The following CAMKMT variants were observed in gnomAD, a reference collection of about 807,000 sequenced individuals.
CAMKMT encodes the protein CaM KMT.
Under a neutral mutation model 48.0 loss-of-function variants are expected in CAMKMT, and 53 were observed. That is an observed-to-expected ratio of 1.10 (90% confidence interval 0.89 to 1.39). The LOEUF (loss-of-function observed/expected upper bound fraction) is 1.39. CAMKMT is among the 40% of genes most tolerant of loss of function. CAMKMT has a pLI of 0.00. For missense variants in CAMKMT, 428 were observed against 402.7 expected (o/e 1.06, Z -0.54); for synonymous variants, 165 against 152.3 (o/e 1.08, Z -0.61).
At chr2:44,542,335 A>T (rs943134596) in intron 3 of CAMKMT, among the ~76,000 whole-genome samples, 6 of 152,110 alleles carry the variant, frequency 3.9e-5, no homozygotes, top group African/African-American at 1.2e-4. Context: ...GCCCCCAAAA[A>T]TCAACTGGAA....
chr2:44,757,011 G>A (rs1573239519), intron 9 of CAMKMT, among the ~76,000 whole-genome samples: 1 of 152,204 alleles, frequency 6.6e-6, no homozygotes, highest in Non-Finnish European at 1.5e-5. Context: ...CTCTGAGCCT[G>A]CATTTCCTCA....
intron 3 of CAMKMT, among the ~76,000 whole-genome samples, chr2:44,407,724 G>C (rs1358488413): frequency 6.6e-6 from 1 of 152,222 alleles, no homozygotes; most frequent in African/African-American, 2.4e-5. Context: ...TAGATGGGCA[G>C]ACTGAAGGCA....
intron 3 of CAMKMT, among the ~76,000 whole-genome samples, chr2:44,451,336 G>C (rs915515169): frequency 6.6e-6 from 1 of 151,908 alleles, no homozygotes; most frequent in Admixed American, 6.6e-5. Context: ...ATACATTAAT[G>C]ATTAGAAAAA....
chr2:44,432,078 G>T (rs1013092460), intron 3 of CAMKMT, among the ~76,000 whole-genome samples: 2 of 152,144 alleles, frequency 1.3e-5, no homozygotes, highest in Admixed American at 6.5e-5. Context: ...TAACTTCTTG[G>T]CTGGTTTAGT....
intron 1 of CAMKMT, among the ~76,000 whole-genome samples, chr2:44,364,204 G>C (rs1016110557): frequency 2.0e-4 from 30 of 151,802 alleles, no homozygotes; most frequent in African/African-American, 5.3e-4. Flanking sequence ...TCTAAATTGC[G>C]GTCTAAATGA....
chr2:44,623,025 C>G (rs956956857), intron 3 of CAMKMT, among the ~76,000 whole-genome samples: 14 of 152,166 alleles, frequency 9.2e-5, no homozygotes, highest in Admixed American at 7.2e-4. Flanking sequence ...TTAACAAAAG[C>G]TGTTCTGACC....
chr2:44,403,437 G>A (rs186534678), intron 3 of CAMKMT, among the ~76,000 whole-genome samples: 1 of 152,166 alleles, frequency 6.6e-6, no homozygotes, highest in Non-Finnish European at 1.5e-5. Flanking sequence ...TAAGAGATGA[G>A]ATTTCAAGAT....
At chr2:44,660,337 G>A (rs1416688637) in intron 3 of CAMKMT, among the ~76,000 whole-genome samples, 1 of 152,156 alleles carries the variant, frequency 6.6e-6, no homozygotes, top group Non-Finnish European at 1.5e-5. Flanking sequence ...AAAATAGCTT[G>A]GACCTTATAG....
At chr2:44,503,780 C>T (rs1317917234) in intron 3 of CAMKMT, among the ~76,000 whole-genome samples, 1 of 152,158 alleles carries the variant, frequency 6.6e-6, no homozygotes, top group South Asian at 2.1e-4. Context: ...TTGGCTTAAA[C>T]AACAGAAATC....
intron 3 of CAMKMT, among the ~76,000 whole-genome samples, chr2:44,458,565 G>A (rs565680991): frequency 6.6e-6 from 1 of 152,310 alleles, no homozygotes; most frequent in Admixed American, 6.5e-5. Flanking sequence ...GGTTTGTGCT[G>A]TTCAGTCTTA....
chr2:44,387,958 TAA>T (rs1226111656), intron 2 of CAMKMT, among the ~76,000 whole-genome samples: 1 of 152,202 alleles, frequency 6.6e-6, no homozygotes, highest in Admixed American at 6.5e-5. Context: ...TCACAGCTCT[TAA>T]GAGTCTTTCC....
At chr2:44,489,068 T>C (rs1669355154) in intron 3 of CAMKMT, among the ~76,000 whole-genome samples, 1 of 151,972 alleles carries the variant, frequency 6.6e-6, no homozygotes, top group Non-Finnish European at 1.5e-5. Flanking sequence ...AGTCTAGCCA[T>C]GTTGTCCAGG....
intron 3 of CAMKMT, among the ~76,000 whole-genome samples, chr2:44,674,059 T>A (rs1388787612): frequency 6.6e-6 from 1 of 152,214 alleles, no homozygotes; most frequent in East Asian, 1.9e-4. Flanking sequence ...AGAAGTTTGC[T>A]TAATTTCCCC....
intron 3 of CAMKMT, among the ~76,000 whole-genome samples, chr2:44,532,920 C>G (rs2085090): frequency 0.096 from 14,600 of 151,570 alleles, 819 homozygotes; most frequent in Admixed American, 0.17. Context: ...TCAAGCGATT[C>G]TCCTGCCTCA....
rs975265264 is a variant in CAMKMT, at chr2:44,772,209, C to T, written c.*96C>T. ...TGTAAGGGGTATAATCGCCTGCCTG[C>T]GCCCTTTGCAGCATTTCACGTGTGG... On this transcript the variant is annotated 3_prime_UTR_variant, in exon 11 of 11. Transcript: ENST00000378494. 2.5e-5 allele frequency: 25 copies of T among 997,286 alleles called. No homozygotes were observed. Among genetic ancestry groups the T allele is most frequent in the Admixed American group, 6.0e-5 (3 of 49,828 alleles). The allele number at this position is 997,286 out of a possible 1,614,324, so 61.8% of individuals were successfully genotyped here.
chr2:44,731,051 C>A (rs978505675), intron 7 of CAMKMT, among the ~76,000 whole-genome samples: 1 of 152,090 alleles, frequency 6.6e-6, no homozygotes, highest in Non-Finnish European at 1.5e-5. Context: ...AGTTTAAAAC[C>A]AAGACTCAGC....
At chr2:44,526,098 A>G (rs1043276762) in intron 3 of CAMKMT, among the ~76,000 whole-genome samples, 43 of 152,046 alleles carry the variant, frequency 2.8e-4, no homozygotes, top group Non-Finnish European at 4.7e-4. Flanking sequence ...AGGGACATGG[A>G]TGAAATTGGA....
chr2:44,654,744 G>A (rs1674277684), intron 3 of CAMKMT, among the ~76,000 whole-genome samples: 2 of 152,130 alleles, frequency 1.3e-5, no homozygotes, highest in South Asian at 2.1e-4. Flanking sequence ...CAAACTCCCG[G>A]CCTCGAGTGA....
rs562226060 is a variant in CAMKMT, at chr2:44,582,523, T to G, written c.377-121760T>G. 5.3e-5 allele frequency among the ~76,000 whole-genome samples: 8 copies of G among 152,350 alleles called. No individual in the cohort carries two copies. The South Asian group carries it at 1.7e-3, about 32-fold the overall frequency. On this transcript the variant is annotated intron_variant, in intron 3 of 10. Transcript: ENST00000378494. Reference sequence around the variant, plus strand: ...AAGGTCAGTGGTTACCTGCTCATTGTATTTTAAAGGCACACTCACAGCACA... The same window carrying G: ...AAGGTCAGTGGTTACCTGCTCATTGGATTTTAAAGGCACACTCACAGCACA...
Sources: allele counts gnomAD v4.1 joint callset (sites outside exome capture counted in the v4.1 genomes callset), GRCh38; gene constraint gnomAD v4.1.1; transcripts MANE v1.5; gene names NCBI Gene and HGNC (gene_info 2026-07-23, HGNC 2026-07-21).